Variants in PDE7A observed in about 807,000 individuals in gnomAD.
PDE7A encodes phosphodiesterase 7A.
PDE7A carries 39 observed loss-of-function variants against 64.3 expected under a neutral mutation model. That is an observed-to-expected ratio of 0.61 (90% CI 0.47 to 0.79). PDE7A has a LOEUF of 0.79. PDE7A is among the 30% of genes least tolerant of loss of function. The probability of loss-of-function intolerance (pLI) is 0.00; values close to 1 mark genes in which losing one functional copy is unlikely to be tolerated. For synonymous variants in PDE7A, 203 were observed against 206.8 expected (o/e 0.98, Z 0.16); for missense variants, 470 against 582.8 (o/e 0.81, Z 1.99).
intron 1 of PDE7A, among the ~76,000 whole-genome samples, chr8:65,794,757 T>C (rs1406081551): frequency 6.6e-6 from 1 of 152,220 alleles, no homozygotes; most frequent in African/African-American, 2.4e-5. Flanking sequence ...AGGGAAATAA[T>C]GTGAATGAGA....
At chr8:65,736,247 A>G (rs1237745203) in intron 6 of PDE7A, among the ~76,000 whole-genome samples, 1 of 152,224 alleles carries the variant, frequency 6.6e-6, no homozygotes, top group Non-Finnish European at 1.5e-5. Context: ...CTGATAACCA[A>G]CACGGTTCAG....
chr8:65,753,329 A>G (rs1054238415), intron 3 of PDE7A, among the ~76,000 whole-genome samples: 2 of 152,210 alleles, frequency 1.3e-5, no homozygotes, highest in African/African-American at 4.8e-5. Context: ...TCTGAGCTCT[A>G]CTACCCAAAT....
At chr8:65,775,367 A>T (rs369304153) in intron 3 of PDE7A, among the ~76,000 whole-genome samples, 46 of 152,274 alleles carry the variant, frequency 3.0e-4, no homozygotes, top group African/African-American at 1.0e-3. Flanking sequence ...TACTTAGTTG[A>T]CTTATTTCAT....
intron 6 of PDE7A, among the ~76,000 whole-genome samples, chr8:65,736,740 A>T (rs907763200): frequency 4.2e-4 from 62 of 149,080 alleles, no homozygotes; most frequent in African/African-American, 1.5e-3. Flanking sequence ...ACAGAGCAAG[A>T]CTCTCCAAAA....
chr8:65,766,187 C>A (rs1361600847), intron 3 of PDE7A, among the ~76,000 whole-genome samples: 1 of 152,160 alleles, frequency 6.6e-6, no homozygotes, highest in Non-Finnish European at 1.5e-5. Flanking sequence ...CTCAGGTGAT[C>A]CACCCGCCTT....
chr8:65,841,008 G>A (rs1326804873), intron 1 of PDE7A, among the ~76,000 whole-genome samples: 6 of 152,312 alleles, frequency 3.9e-5, no homozygotes, highest in African/African-American at 1.2e-4. Context: ...GTTGCAAGGC[G>A]GGGGAGCACA....
chr8:65,806,586 CT>C (rs1275075335), intron 1 of PDE7A, among the ~76,000 whole-genome samples: 3 of 152,202 alleles, frequency 2.0e-5, no homozygotes, highest in Non-Finnish European at 4.4e-5. Flanking sequence ...ACAATATTAA[CT>C]TATGTTGCCA....
At chr8:65,783,479 G>A (rs1199312631) in intron 1 of PDE7A, among the ~76,000 whole-genome samples, 3 of 152,098 alleles carry the variant, frequency 2.0e-5, no homozygotes, top group African/African-American at 7.2e-5. Context: ...CCCTCATCCT[G>A]GATCACTGCT....
chr8:65,736,043 T>G (rs1161506696), intron 6 of PDE7A, among the ~76,000 whole-genome samples: 1 of 152,216 alleles, frequency 6.6e-6, no homozygotes, highest in Non-Finnish European at 1.5e-5. Context: ...CTATTTATAC[T>G]ATGTTTTTCC....
chr8:65,817,062 T>C (rs1051292033), intron 1 of PDE7A, among the ~76,000 whole-genome samples: 1 of 152,244 alleles, frequency 6.6e-6, no homozygotes. Context: ...TGTTCATGGA[T>C]TCATTTTCTT....
chr8:65,808,937 G>A (rs938303270), intron 1 of PDE7A, among the ~76,000 whole-genome samples: 1 of 152,138 alleles, frequency 6.6e-6, no homozygotes, highest in African/African-American at 2.4e-5. Context: ...TATAAGAAAA[G>A]TGCTGTATTC....
intron 1 of PDE7A, among the ~76,000 whole-genome samples, chr8:65,810,721 G>A (rs1360199391): frequency 2.0e-5 from 3 of 151,902 alleles, no homozygotes; most frequent in Non-Finnish European, 4.4e-5. Context: ...AAAATCATGT[G>A]AATAAACAAT....
intron 6 of PDE7A, 85 bp from the exon 7 acceptor site, chr8:65,734,979 C>G (rs1002013232): frequency 2.0e-5 from 17 of 848,488 alleles, no homozygotes; most frequent in South Asian, 8.7e-5. Context: ...GAGTTACCCA[C>G]TCATACTTTT....
At chr8:65,752,204 T>G (rs1808002648) in intron 3 of PDE7A, among the ~76,000 whole-genome samples, 1 of 152,206 alleles carries the variant, frequency 6.6e-6, no homozygotes, top group South Asian at 2.1e-4. Flanking sequence ...CAGAGCATAT[T>G]TTTTTCCTTT....
At chr8:65,824,442 G>A (rs926601712) in intron 1 of PDE7A, among the ~76,000 whole-genome samples, 7 of 152,108 alleles carry the variant, frequency 4.6e-5, no homozygotes, top group East Asian at 3.9e-4. Context: ...GATAAAGCAG[G>A]GTTTGAGAGG....
rs779183686 is a variant in PDE7A, at chr8:65,719,441, T to C, written c.1298A>G (p.Asn433Ser). ...PLFTEWARFS[N>S]TRLSQTMLGH... is the part of the protein sequence containing the mutation. ...AAGCATTGTCTGGGATAGCCTTGTA[T>C]TGGAAAACCTGGCCCATTCTGTAAA... The change falls in exon 13 of 13, where the codon AAT (asparagine) becomes AGT (serine). Residue 433 changes from asparagine (N) to serine (S), a missense_variant. By Grantham distance (46) the Asn-to-Ser change is conservative. Coordinates refer to ENST00000401827, the MANE Select transcript of PDE7A (RefSeq NM_001242318.3). 4.3e-6 allele frequency: 7 copies of C among 1,614,038 alleles called. No homozygotes were observed. Among genetic ancestry groups the C allele is most frequent in the African/African-American group, 1.3e-5 (1 of 74,926 alleles).
intron 1 of PDE7A, among the ~76,000 whole-genome samples, chr8:65,832,156 C>A (rs1810842912): frequency 1.3e-5 from 2 of 152,030 alleles, no homozygotes; most frequent in African/African-American, 2.4e-5. Flanking sequence ...TCCTCAAATT[C>A]TTCAAATCAT....
At chr8:65,739,690 G>A in intron 5 of PDE7A, 93 bp from the exon 6 acceptor site, 1 of 1,217,816 alleles carries the variant, frequency 8.2e-7, no homozygotes, top group Non-Finnish European at 1.0e-6. Flanking sequence ...TATAAAACAT[G>A]GAAAGAGTAA....
At chr8:65,807,475 C>T (rs926551264) in intron 1 of PDE7A, among the ~76,000 whole-genome samples, 1 of 152,124 alleles carries the variant, frequency 6.6e-6, no homozygotes, top group African/African-American at 2.4e-5. Flanking sequence ...TCATCTATGA[C>T]TAGAGATAGT....
Sources: gnomAD v4.1 joint callset for allele counts (sites outside exome capture counted in the v4.1 genomes callset) on GRCh38, gnomAD v4.1.1 for gene constraint, MANE v1.5 for transcripts, NCBI Gene and HGNC (gene_info 2026-07-23, HGNC 2026-07-21) for gene names.